Variants in PRKG1 observed in about 807,000 individuals in gnomAD.
PRKG1 encodes the protein cGMP-dependent protein kinase 1.
Under a neutral mutation model 88.1 loss-of-function variants are expected in PRKG1, and 35 were observed. That is an observed-to-expected ratio of 0.40 (90% confidence interval 0.30 to 0.53). The LOEUF (loss-of-function observed/expected upper bound fraction) is 0.53. Ranked by LOEUF, PRKG1 falls within the 20% of genes least tolerant of loss-of-function variation. PRKG1 has a pLI of 0.59. For synonymous variants in PRKG1, 303 were observed against 292.5 expected, an observed-to-expected ratio of 1.04 and a Z score of -0.37; for missense variants, 540 against 839.8, an observed-to-expected ratio of 0.64 and a Z score of 4.41.
chr10:52,034,006 A>C (rs1411761718), intron 5 of PRKG1, among the ~76,000 whole-genome samples: 1 of 151,774 alleles, frequency 6.6e-6, no homozygotes, highest in Non-Finnish European at 1.5e-5. Context: ...ATGAGCCAGG[A>C]AAAGGACTTT....
intron 9 of PRKG1, among the ~76,000 whole-genome samples, chr10:52,217,207 A>G (rs1439876754): frequency 1.3e-5 from 2 of 152,058 alleles, no homozygotes; most frequent in African/African-American, 2.4e-5. Context: ...CTAAGGAGTA[A>G]GTTTATCCTA....
chr10:52,011,884 G>T (rs1037558451), intron 5 of PRKG1, among the ~76,000 whole-genome samples: 1 of 152,116 alleles, frequency 6.6e-6, no homozygotes, highest in Non-Finnish European at 1.5e-5. Context: ...ATATCTGATG[G>T]TTGTAAAAAT....
intron 2 of PRKG1, among the ~76,000 whole-genome samples, chr10:51,248,261 A>C (rs1839343253): frequency 1.3e-5 from 2 of 151,916 alleles, no homozygotes; most frequent in African/African-American, 4.8e-5. Flanking sequence ...AGTCAGGATC[A>C]AATATTCATA....
intron 2 of PRKG1, among the ~76,000 whole-genome samples, chr10:51,461,008 G>C (rs1839729895): frequency 6.6e-6 from 1 of 151,858 alleles, no homozygotes; most frequent in Non-Finnish European, 1.5e-5. Flanking sequence ...CTCTTTTTTT[G>C]CATAAATGAG....
At chr10:51,470,486 G>A (rs1210214988) in intron 3 of PRKG1, among the ~76,000 whole-genome samples, 2 of 151,796 alleles carry the variant, frequency 1.3e-5, no homozygotes. Context: ...TGAAAATGTT[G>A]ATGATCCTTT....
At chr10:51,176,817 G>A (rs1176365743) in intron 2 of PRKG1, among the ~76,000 whole-genome samples, 2 of 152,134 alleles carry the variant, frequency 1.3e-5, no homozygotes, top group Non-Finnish European at 2.9e-5. Flanking sequence ...GTAGACCAAT[G>A]TGACACTAAA....
At chr10:52,112,108 C>T (rs1029396873) in intron 7 of PRKG1, among the ~76,000 whole-genome samples, 1 of 152,140 alleles carries the variant, frequency 6.6e-6, no homozygotes, top group Non-Finnish European at 1.5e-5. Flanking sequence ...GTTGCCCCCA[C>T]TATTTAGAAT....
At chr10:52,102,014 C>G (rs1302551504) in intron 7 of PRKG1, among the ~76,000 whole-genome samples, 1 of 152,070 alleles carries the variant, frequency 6.6e-6, no homozygotes, top group Non-Finnish European at 1.5e-5. Flanking sequence ...AAACCCTAAG[C>G]CTTCAGGTGA....
chr10:51,753,385 A>G (rs1837776678), intron 3 of PRKG1, among the ~76,000 whole-genome samples: 1 of 152,194 alleles, frequency 6.6e-6, no homozygotes, highest in Admixed American at 6.5e-5. Flanking sequence ...AAATTATTTT[A>G]GATGGTCTAT....
intron 2 of PRKG1, among the ~76,000 whole-genome samples, chr10:51,207,152 G>A (rs16915429): frequency 6.6e-6 from 1 of 152,000 alleles, no homozygotes; most frequent in Non-Finnish European, 1.5e-5. Context: ...AATTAGCCAG[G>A]GCATGATAAC....
intron 2 of PRKG1, among the ~76,000 whole-genome samples, chr10:51,401,769 G>A (rs1837745930): frequency 1.3e-5 from 2 of 152,054 alleles, no homozygotes; most frequent in South Asian, 4.1e-4. Context: ...AAAGGAACCA[G>A]GAAGTGTTTA....
chr10:52,266,550 C>T (rs757552784), intron 10 of PRKG1, among the ~76,000 whole-genome samples: 1 of 152,008 alleles, frequency 6.6e-6, no homozygotes, highest in Non-Finnish European at 1.5e-5. Context: ...AGCACATGAT[C>T]TCATTCCTTT....
chr10:51,071,821 A>T (rs10822178), upstream of PRKG1, among the ~76,000 whole-genome samples: 73,726 of 152,110 alleles, frequency 0.48, 20,304 homozygotes, highest in East Asian at 0.68. Context: ...CTGCTCAAAA[A>T]CATTAAGTAA....
chr10:51,908,733 A>ATATATATATATATATATAT, intron 5 of PRKG1: 1 of 131,716 alleles, frequency 7.6e-6, no homozygotes, highest in East Asian at 2.5e-4. Flanking sequence ...ATCTATATGT[A>ATATATATATATATATATAT]ATTTTTTTTT....
chr10:51,223,909 T>C (rs1252312021), intron 2 of PRKG1, among the ~76,000 whole-genome samples: 1 of 152,170 alleles, frequency 6.6e-6, no homozygotes, highest in Non-Finnish European at 1.5e-5. Context: ...TTGTTTTACT[T>C]TGAATACATT....
At chr10:51,759,417 C>G (rs1837960553) in intron 3 of PRKG1, among the ~76,000 whole-genome samples, 1 of 151,994 alleles carries the variant, frequency 6.6e-6, no homozygotes, top group Non-Finnish European at 1.5e-5. Context: ...CAGGCATGCA[C>G]CACCACACCT....
intron 3 of PRKG1, among the ~76,000 whole-genome samples, chr10:51,496,946 A>T (rs571163793): frequency 1.3e-5 from 2 of 152,334 alleles, no homozygotes; most frequent in South Asian, 4.1e-4. Context: ...TATTTCCTTC[A>T]TTCTAAACTG....
intron 5 of PRKG1, among the ~76,000 whole-genome samples, chr10:52,009,555 C>T (rs1313948659): frequency 2.0e-5 from 3 of 151,986 alleles, no homozygotes; most frequent in Non-Finnish European, 4.4e-5. Flanking sequence ...CATTTCATGC[C>T]TAGGGATAGG....
At chr10:51,321,164 G>T (rs151328015) in intron 2 of PRKG1, among the ~76,000 whole-genome samples, 508 of 152,230 alleles carry the variant, frequency 3.3e-3, no homozygotes, top group Middle Eastern at 0.017. Flanking sequence ...AAATAAGTTA[G>T]TATTAGTGTG....
Sources: allele counts gnomAD v4.1 joint callset (sites outside exome capture counted in the v4.1 genomes callset), GRCh38; gene constraint gnomAD v4.1.1; transcripts MANE v1.5; gene names NCBI Gene and HGNC (gene_info 2026-07-23, HGNC 2026-07-21).